Variants in SEC61A1 observed in about 807,000 individuals in gnomAD.
SEC61A1 encodes the protein protein transport protein Sec61 subunit alpha isoform 1.
SEC61A1 carries 15 observed loss-of-function variants against 55.2 expected under a neutral mutation model. The ratio of observed to expected loss-of-function variants is 0.27; its 90% confidence interval spans 0.18 to 0.42. The LOEUF (loss-of-function observed/expected upper bound fraction) is 0.42. SEC61A1 is among the 10% of genes least tolerant of loss of function. The pLI is 1.00. For synonymous variants in SEC61A1, 247 were observed against 234.0 expected (o/e 1.06, Z -0.51); for missense variants, 284 against 602.6 (o/e 0.47, Z 5.53).
chr3:128,060,738 TC>T (rs1559795915), intron 7 of SEC61A1, 77 bp downstream of exon 7: 1 of 1,377,772 alleles, frequency 7.3e-7, no homozygotes. Flanking sequence ...AAGACAAAAA[TC>T]CCCCCATTCC....
Position 128,055,751 on chromosome 3 carries a change from G to A in SEC61A1, c.220G>A (p.Gly74Ser), listed in dbSNP as rs750059756. ...GAGAGTGATTCTAGCCTCTAACAGAGGTAGGACTCTGGCTCTGTCTTTTCT... is the reference window on the plus strand; with the variant it reads ...GAGAGTGATTCTAGCCTCTAACAGAAGTAGGACTCTGGCTCTGTCTTTTCT... The part of the protein sequence containing the change: ...WMRVILASNR[G>S]TLMELGISPI... Residue 74 changes from glycine (G) to serine (S), a missense_variant and splice_region_variant, in exon 4 of 12, where the codon GGC becomes AGC. Coordinates refer to ENST00000243253, the MANE Select transcript of SEC61A1 (RefSeq NM_013336.4). 1.2e-6 allele frequency: 2 copies of A among 1,611,872 alleles called. No individual in the cohort carries two copies. The highest frequency in any genetic ancestry group is 1.1e-5 in the South Asian group (1 of 91,028).
At chr3:128,063,323 A>G (rs921756407) in intron 7 of SEC61A1, among the ~76,000 whole-genome samples, 5 of 152,202 alleles carry the variant, frequency 3.3e-5, no homozygotes, top group Admixed American at 2.6e-4. Flanking sequence ...GTGGCCATCA[A>G]ATACAGTCCC....
intron 8 of SEC61A1, among the ~76,000 whole-genome samples, chr3:128,065,528 T>C (rs1392423791): frequency 2.6e-5 from 4 of 152,290 alleles, no homozygotes; most frequent in Non-Finnish European, 4.4e-5. Context: ...GATTGATCTT[T>C]GTATTTTTTG....
intron 5 of SEC61A1, 66 bp downstream of exon 5, chr3:128,056,906 G>C: frequency 7.9e-7 from 1 of 1,264,168 alleles, no homozygotes; most frequent in Non-Finnish European, 1.0e-6. Flanking sequence ...TAAGATTTTG[G>C]TATCAGTTTT....
At chr3:128,055,882 T>G in intron 4 of SEC61A1, 131 bp downstream of exon 4, 5 of 731,296 alleles carry the variant, frequency 6.8e-6, no homozygotes, top group Non-Finnish European at 7.0e-6. Flanking sequence ...AATGTTAAAG[T>G]GCTGTGTTGA....
In SEC61A1 at chr3:128,060,689, G is replaced by A. The variant is rs758485211; in HGVS notation, c.616+28G>A. ...AAGGGCCCTGTGCTCCCCTGGTGGC[G>A]ACAGCTTTCAGCAAAAACAATTGAG... On this transcript the variant is annotated intron_variant, in intron 7 of 11. Transcript: ENST00000243253. The A allele has an allele frequency of 8.3e-5, 133 of 1,601,268 alleles. No homozygotes were observed. In the Admixed American group the frequency reaches 1.5e-3, roughly 19 times the overall value.
chr3:128,066,394 G>T (rs1296224508), intron 8 of SEC61A1, among the ~76,000 whole-genome samples: 1 of 152,024 alleles, frequency 6.6e-6, no homozygotes, highest in East Asian at 1.9e-4. Flanking sequence ...AAAAAAGTGG[G>T]GGTGGGGATC....
At chr3:128,061,188 C>T (rs1015873910) in intron 7 of SEC61A1, among the ~76,000 whole-genome samples, 79 of 152,346 alleles carry the variant, frequency 5.2e-4, no homozygotes, top group Non-Finnish European at 9.0e-4. Flanking sequence ...GTCATACATA[C>T]GTGGCTTTGG....
chr3:128,053,038 C>G (rs1015988779), intron 2 of SEC61A1, 136 bp downstream of exon 2: 3 of 636,830 alleles, frequency 4.7e-6, no homozygotes, highest in African/African-American at 3.8e-5. Flanking sequence ...TAGTTGTGCT[C>G]TGTTATTCCG....
chr3:128,051,985 C>A (rs964115849), upstream of SEC61A1: 4 of 1,142,308 alleles, frequency 3.5e-6, no homozygotes, highest in Non-Finnish European at 5.1e-6. Flanking sequence ...CCGCGGTAGA[C>A]GCTGGGATAA....
At chr3:128,058,679 A>G (rs1288130506) in intron 5 of SEC61A1, among the ~76,000 whole-genome samples, 1 of 152,084 alleles carries the variant, frequency 6.6e-6, no homozygotes, top group Admixed American at 6.5e-5. Context: ...TGGGTAACAC[A>G]GTGAGAGAGA....
chr3:128,067,972 G>GC lies in SEC61A1; in HGVS notation c.1168-10dup. 6.2e-7 allele frequency: 1 copy of GC among 1,612,688 alleles called. No individual in the cohort carries two copies. Among genetic ancestry groups the GC allele is most frequent in the Non-Finnish European group, 8.5e-7 (1 of 1,178,984 alleles). ...TCCAATTCCAACTTCTCCCCTGTGGGCACCCTGCAGGTTGCAAAGCAGCTG... is the reference window on the plus strand; with the variant it reads ...TCCAATTCCAACTTCTCCCCTGTGGGCCACCCTGCAGGTTGCAAAGCAGCTG... On this transcript the variant is annotated splice_polypyrimidine_tract_variant and intron_variant, in intron 10 of 11. Transcript: ENST00000243253. This position sits in a 1 kb window ranked among gnomAD's most constrained non-coding sequence, Gnocchi z 4.1.
intron 7 of SEC61A1, chr3:128,064,630 C>T (rs1173270230): frequency 2.9e-5 from 14 of 474,632 alleles, no homozygotes; most frequent in South Asian, 5.3e-5. Flanking sequence ...CCTAGGCAGC[C>T]GAGAGAGAGG....
intron 4 of SEC61A1, among the ~76,000 whole-genome samples, chr3:128,056,359 G>C (rs1186222707): frequency 6.6e-6 from 1 of 152,118 alleles, no homozygotes; most frequent in Admixed American, 6.5e-5. Context: ...TCCAGACTCT[G>C]GAAATTATTT....
intron 7 of SEC61A1, among the ~76,000 whole-genome samples, chr3:128,063,550 T>G (rs1183928459): frequency 2.0e-5 from 3 of 152,242 alleles, no homozygotes; most frequent in Non-Finnish European, 4.4e-5. Context: ...TTGGCCAGGC[T>G]GGTCTTGAAC....
intron 2 of SEC61A1, among the ~76,000 whole-genome samples, chr3:128,053,611 A>G (rs1011084760): frequency 2.6e-5 from 4 of 152,348 alleles, no homozygotes; most frequent in Middle Eastern, 3.4e-3. Context: ...ATTCACATGG[A>G]CACTTGGGTG....
Position 128,055,796 on chromosome 3 carries a change from C to T in SEC61A1, c.220+45C>T, listed in dbSNP as rs759758689. On this transcript the variant is annotated intron_variant, in intron 4 of 11. Coordinates refer to ENST00000243253, the MANE Select transcript of SEC61A1 (RefSeq NM_013336.4). The stretch of plus-strand genomic sequence containing the variant: ...TTTTCTCTGTAGAGTGTAGGCTTAC[C>T]TAGCTTCACTTAGTTAAATTAATAG... 3.7e-5 allele frequency: 54 copies of T among 1,446,230 alleles called. No individual in the cohort carries two copies. In the South Asian group the frequency reaches 6.2e-4, roughly 17 times the overall value. 89.6% of individuals were successfully genotyped at this position (1,446,230 alleles called of 1,614,324 possible).
In SEC61A1 at chr3:128,069,674, G is replaced by A. The variant is rs367612187; in HGVS notation, c.*12G>A. The A allele has an allele frequency of 2.7e-5, 44 of 1,613,052 alleles. No homozygotes were observed. The highest frequency in any genetic ancestry group is 6.7e-5 in the East Asian group (3 of 44,894). ...CCCTGCTCTTCTGAGCCCGTCTCCCGGACAGGTTGAGGAAGCTGCTCCAGA... is the reference window on the plus strand; with the variant it reads ...CCCTGCTCTTCTGAGCCCGTCTCCCAGACAGGTTGAGGAAGCTGCTCCAGA... On this transcript the variant is annotated 3_prime_UTR_variant, in exon 12 of 12. Coordinates refer to ENST00000243253, the MANE Select transcript of SEC61A1 (RefSeq NM_013336.4).
At position 128,060,516 on chromosome 3, in the gene SEC61A1, T is replaced by G. The variant is rs761047034; in HGVS notation, c.471T>G (p.Val157=). ...TTTTTGAATTTTTACAGCTCTTTGT[T>G]GCTGGCTTAATTGTCCTACTTTTGG... is the stretch of plus-strand genomic sequence containing the variant. ...ICLLITIQLF[V]AGLIVLLLDE... Residue 157 remains valine (V), a synonymous_variant, in exon 7 of 12, where the codon GTT becomes GTG. Transcript: ENST00000243253. The G allele has an allele frequency of 9.9e-6, 16 of 1,614,052 alleles. No homozygotes were observed. Among genetic ancestry groups the G allele is most frequent in the Middle Eastern group, 1.6e-4 (1 of 6,084 alleles).
Sources: gnomAD v4.1 joint callset for allele counts (sites outside exome capture counted in the v4.1 genomes callset) on GRCh38, gnomAD v4.1.1 for gene constraint, Gnocchi (gnomAD v3.1) non-coding constraint, MANE v1.5 for transcripts, NCBI Gene and HGNC (gene_info 2026-07-23, HGNC 2026-07-21) for gene names.